CPNE4: variants seen among roughly 807,000 people sequenced by gnomAD.
CPNE4 encodes the protein copine-4.
In CPNE4, 25 loss-of-function variants were observed where a neutral mutation model predicts 67.9. That is an observed-to-expected ratio of 0.37 (90% CI 0.27 to 0.51). The LOEUF (loss-of-function observed/expected upper bound fraction) is 0.51, where lower values mean the gene tolerates loss of function less well. CPNE4 is among the 20% of genes least tolerant of loss of function. The pLI is 0.93. For missense variants in CPNE4, 464 were observed against 690.8 expected (o/e 0.67, Z 3.68); for synonymous variants, 242 against 244.9 (o/e 0.99, Z 0.11).
chr3:131,572,503 C>T (rs922927270), intron 10 of CPNE4, among the ~76,000 whole-genome samples: 2 of 151,948 alleles, frequency 1.3e-5, no homozygotes, highest in Non-Finnish European at 2.9e-5. Context: ...TGATGGCTGC[C>T]TCTCGTTGGT....
At chr3:131,907,502 AC>A (rs2088818432) in intron 1 of CPNE4, among the ~76,000 whole-genome samples, 1 of 9,908 alleles carries the variant, frequency 1.0e-4, no homozygotes, top group Non-Finnish European at 1.8e-4. Context: ...CATCACACAG[AC>A]ACACACACAC....
At chr3:131,937,554 CA>C (rs1055604820) in intron 1 of CPNE4, among the ~76,000 whole-genome samples, 2 of 151,738 alleles carry the variant, frequency 1.3e-5, no homozygotes, top group Non-Finnish European at 2.9e-5. Flanking sequence ...GAAAGTATGG[CA>C]AAAAAACAGT....
rs1322825592 is a variant in CPNE4 at position 132,034,810 on chromosome 3, T to C, written c.-245A>G. On this transcript the variant is annotated 5_prime_UTR_variant, in exon 1 of 16. Transcript: ENST00000429747. The stretch of plus-strand genomic sequence containing the variant: ...GAAACCCTGACTCCATTCTCGGTGA[T>C]GGGGGTGGGGGAAGAGGGTGAAAAT... 1.4e-5 allele frequency: 14 copies of C among 984,790 alleles called. No individual in the cohort carries two copies. The highest frequency in any genetic ancestry group is 1.7e-5 in the Non-Finnish European group (14 of 829,960). 61.0% of individuals were successfully genotyped at this position (984,790 alleles called of 1,614,324 possible). A position where few individuals can be genotyped will look rare whatever the true frequency, so the allele number is the denominator to read the frequency against.
chr3:131,777,290 T>C (rs1259766121), intron 2 of CPNE4, among the ~76,000 whole-genome samples: 1 of 151,982 alleles, frequency 6.6e-6, no homozygotes, highest in African/African-American at 2.4e-5. Flanking sequence ...GGGCTATAAC[T>C]GTATAAATGC....
chr3:131,707,719 G>T (rs1447898355), intron 3 of CPNE4, among the ~76,000 whole-genome samples: 3 of 152,122 alleles, frequency 2.0e-5, no homozygotes, highest in African/African-American at 7.2e-5. Context: ...GATACACAAA[G>T]AAATTCACAC....
intron 5 of CPNE4, among the ~76,000 whole-genome samples, chr3:131,688,740 T>G (rs1223244119): frequency 6.6e-6 from 1 of 152,056 alleles, no homozygotes; most frequent in Non-Finnish European, 1.5e-5. Flanking sequence ...ATGAAAAATA[T>G]AGAAAACAGA....
At chr3:131,991,514 T>G (rs6794671) in intron 1 of CPNE4, among the ~76,000 whole-genome samples, 7,403 of 135,634 alleles carry the variant, frequency 0.055, 981 homozygotes, top group African/African-American at 0.17. Context: ...ACTTTGAACT[T>G]GAGAGAAATG....
intron 2 of CPNE4, among the ~76,000 whole-genome samples, chr3:131,823,859 G>A (rs1330417113): frequency 6.6e-6 from 1 of 152,168 alleles, no homozygotes; most frequent in Non-Finnish European, 1.5e-5. Context: ...CTACTAGTAT[G>A]CACATTAAAA....
At chr3:131,547,832 A>G (rs1935957906) in intron 14 of CPNE4, among the ~76,000 whole-genome samples, 1 of 152,176 alleles carries the variant, frequency 6.6e-6, no homozygotes, top group Non-Finnish European at 1.5e-5. Context: ...TGCCCCACAG[A>G]TCAGACCCAT....
chr3:131,799,840 G>C (rs73222322), intron 2 of CPNE4, among the ~76,000 whole-genome samples: 1 of 152,106 alleles, frequency 6.6e-6, no homozygotes, highest in Non-Finnish European at 1.5e-5. Flanking sequence ...AAGAACAAGT[G>C]TAATAGAGCA....
intron 7 of CPNE4, among the ~76,000 whole-genome samples, chr3:131,667,618 TCTTTC>T (rs759300636): frequency 2.2e-4 from 33 of 152,074 alleles, no homozygotes; most frequent in East Asian, 3.9e-4. Flanking sequence ...CCTTCCTTTT[TCTTTC>T]CTTTCTTCTT....
At chr3:131,605,319 T>A (rs1048645681) in intron 7 of CPNE4, among the ~76,000 whole-genome samples, 1 of 152,150 alleles carries the variant, frequency 6.6e-6, no homozygotes, top group African/African-American at 2.4e-5. Flanking sequence ...TTACATGGGG[T>A]ATGAATGATT....
intron 15 of CPNE4, among the ~76,000 whole-genome samples, chr3:131,536,251 G>C (rs1054500076): frequency 6.6e-6 from 1 of 152,242 alleles, no homozygotes; most frequent in South Asian, 2.1e-4. Context: ...TTTGGGGTAG[G>C]GGCACAGGAG....
At chr3:131,605,830 G>A (rs769491711) in intron 7 of CPNE4, among the ~76,000 whole-genome samples, 2 of 152,106 alleles carry the variant, frequency 1.3e-5, no homozygotes, top group Non-Finnish European at 2.9e-5. Context: ...TTTGGTTAAC[G>A]TCATTGAACA....
intron 2 of CPNE4, among the ~76,000 whole-genome samples, chr3:131,888,194 A>G (rs750463946): frequency 1.6e-4 from 25 of 152,264 alleles, no homozygotes; most frequent in Non-Finnish European, 3.1e-4. Flanking sequence ...TAATTGTCAC[A>G]TAACAGTAGT....
rs1480776886 is a variant in CPNE4, at chr3:131,911,287, C to A, written c.-1-5843G>T. On this transcript the variant is annotated intron_variant, in intron 1 of 15. Coordinates refer to ENST00000429747, the MANE Select transcript of CPNE4 (RefSeq NM_130808.3). ...AACACGCTGAAAGGAATGAATTCTG[C>A]CAACAACCATGTGAGCTTGGAAGTA... 2.0e-5 allele frequency among the ~76,000 whole-genome samples: 3 copies of A among 152,062 alleles called. 1 individual carries two copies. Among genetic ancestry groups the A allele is most frequent in the Admixed American group, 1.3e-4 (2 of 15,240 alleles).
intron 2 of CPNE4, among the ~76,000 whole-genome samples, chr3:131,877,775 G>A (rs1312451433): frequency 6.6e-6 from 1 of 152,030 alleles, no homozygotes. Flanking sequence ...CTGAGGTTGG[G>A]GACACATATA....
At chr3:131,876,233 G>A (rs1482162172) in intron 2 of CPNE4, among the ~76,000 whole-genome samples, 1 of 124,046 alleles carries the variant, frequency 8.1e-6, no homozygotes. Flanking sequence ...AGCAAGACTC[G>A]GTCTCAAAAT....
At chr3:131,605,774 G>A (rs889925716) in intron 7 of CPNE4, among the ~76,000 whole-genome samples, 1 of 152,042 alleles carries the variant, frequency 6.6e-6, no homozygotes, top group Non-Finnish European at 1.5e-5. Flanking sequence ...TGGAGTTGAG[G>A]GAGAAGAAAA....
Sources: gnomAD v4.1 joint callset for allele counts (sites outside exome capture counted in the v4.1 genomes callset) on GRCh38, gnomAD v4.1.1 for gene constraint, MANE v1.5 for transcripts, NCBI Gene and HGNC (gene_info 2026-07-23, HGNC 2026-07-21) for gene names.